SPAG17: variants seen among roughly 807,000 people sequenced by gnomAD.
The protein encoded by SPAG17 is sperm-associated antigen 17.
In SPAG17, 169 loss-of-function variants were observed where a neutral mutation model predicts 273.6. That is an observed-to-expected ratio of 0.62 (90% CI 0.55 to 0.70). SPAG17 has a LOEUF of 0.70. Among genes scored for constraint, SPAG17 ranks in the 30% least tolerant of loss-of-function variants. The pLI is 0.00. For synonymous variants in SPAG17, 825 were observed against 873.2 expected, an observed-to-expected ratio of 0.94 and a Z score of 0.97; for missense variants, 2,557 against 2,627.8, an observed-to-expected ratio of 0.97 and a Z score of 0.59.
At chr1:118,061,663 A>AT (rs1220469338) in intron 18 of SPAG17, among the ~76,000 whole-genome samples, 2 of 152,316 alleles carry the variant, frequency 1.3e-5, no homozygotes, top group East Asian at 3.9e-4. Flanking sequence ...ACATGAGGAC[A>AT]TTTTTTTAAC....
chr1:117,966,878 A>T, intron 46 of SPAG17, 125 bp from the exon 47 acceptor site: 1 of 742,532 alleles, frequency 1.3e-6, no homozygotes, highest in Non-Finnish European at 2.0e-6. Flanking sequence ...TAAATTTGGC[A>T]CTAACAAATG....
At chr1:118,070,743 A>G (rs1243196654) in intron 17 of SPAG17, among the ~76,000 whole-genome samples, 1 of 152,256 alleles carries the variant, frequency 6.6e-6, no homozygotes, top group East Asian at 1.9e-4. Context: ...TTATCATTTC[A>G]ACATATAAAC....
chr1:117,966,786 A>C, intron 46 of SPAG17, 33 bp from the exon 47 acceptor site: 1 of 1,555,576 alleles, frequency 6.4e-7, no homozygotes, highest in Non-Finnish European at 8.7e-7. Context: ...AGGACCAGAC[A>C]ACTCTGAGTT....
intron 18 of SPAG17, among the ~76,000 whole-genome samples, chr1:118,059,887 G>A (rs143277575): frequency 1.8e-4 from 28 of 152,118 alleles, no homozygotes; most frequent in Non-Finnish European, 3.1e-4. Context: ...TTTATTATCC[G>A]TTAGTCCACT....
At chr1:118,139,186 C>T (rs954814413) in intron 3 of SPAG17, among the ~76,000 whole-genome samples, 2 of 151,972 alleles carry the variant, frequency 1.3e-5, no homozygotes, top group South Asian at 4.2e-4. Flanking sequence ...AGAAGACATG[C>T]AGATAGACAA....
chr1:118,182,786 G>A (rs964827250), intron 1 of SPAG17, among the ~76,000 whole-genome samples: 1 of 152,152 alleles, frequency 6.6e-6, no homozygotes, highest in African/African-American at 2.4e-5. Context: ...ATTATTTAGA[G>A]CCCAGGTGAA....
At chr1:118,139,603 T>C (rs1252245713) in intron 3 of SPAG17, among the ~76,000 whole-genome samples, 2 of 152,208 alleles carry the variant, frequency 1.3e-5, no homozygotes, top group Non-Finnish European at 2.9e-5. Context: ...AAATATGGTA[T>C]ATACATTAAA....
intron 18 of SPAG17, among the ~76,000 whole-genome samples, chr1:118,057,784 A>C (rs1051003409): frequency 2.6e-5 from 4 of 151,984 alleles, no homozygotes; most frequent in Middle Eastern, 3.3e-3. Context: ...ATAGTTCTAG[A>C]CAACTTCAAA....
At position 118,057,793 on chromosome 1, in the gene SPAG17, A is replaced by G. The variant is rs75475704; in HGVS notation, c.2541-1879T>C. On this transcript the variant is annotated intron_variant, in intron 18 of 48. Coordinates refer to ENST00000336338, the MANE Select transcript of SPAG17 (RefSeq NM_206996.4). ...GAAACAATAGTTCTAGACAACTTCA[A>G]AATGAGAAGTAGGGATTTGTTGGGG... is the stretch of plus-strand genomic sequence containing the variant. 2.2e-3 allele frequency among the ~76,000 whole-genome samples: 330 copies of G among 152,048 alleles called. 2 individuals carry two copies. Among genetic ancestry groups the G allele is most frequent in the African/African-American group, 7.5e-3 (313 of 41,556 alleles).
intron 10 of SPAG17, 113 bp from the exon 11 acceptor site, chr1:118,087,121 C>T (rs956316032): frequency 8.4e-7 from 1 of 1,190,534 alleles, no homozygotes; most frequent in Non-Finnish European, 1.1e-6. Flanking sequence ...TTCTGGGACC[C>T]AAGTACCACT....
At chr1:118,061,617 G>A (rs1571376785) in intron 18 of SPAG17, among the ~76,000 whole-genome samples, 1 of 152,140 alleles carries the variant, frequency 6.6e-6, no homozygotes, top group Admixed American at 6.5e-5. Flanking sequence ...AAGGGATCAC[G>A]TGTTCAATGT....
At chr1:118,184,701 C>G (rs1488219347) in intron 1 of SPAG17, among the ~76,000 whole-genome samples, 1 of 152,108 alleles carries the variant, frequency 6.6e-6, no homozygotes, top group Non-Finnish European at 1.5e-5. Flanking sequence ...TGATTTGATG[C>G]GATTCTCATC....
In SPAG17 at chr1:118,008,141, C is replaced by A. The variant is rs370369450; in HGVS notation, c.4490G>T (p.Arg1497Leu). 2.5e-6 allele frequency: 4 copies of A among 1,614,034 alleles called. No homozygotes were observed. The highest frequency in any genetic ancestry group is 3.4e-6 in the Non-Finnish European group (4 of 1,179,976). Residue 1497 changes from arginine to leucine, a missense_variant, in exon 31 of 49, where the codon CGC becomes CTC. Transcript: ENST00000336338. ...ACAGTTGGCGATAACAGTGGCATAG[C>A]GTGAGCTTTCTACCCGCATACACTT... Reference protein sequence around the residue: ...QVKCMRVESSRYATVIANCED... With the variant: ...QVKCMRVESSLYATVIANCED...
chr1:118,126,032 T>G (rs1487234288), intron 3 of SPAG17, among the ~76,000 whole-genome samples: 1 of 117,762 alleles, frequency 8.5e-6, no homozygotes, highest in African/African-American at 2.8e-5. Flanking sequence ...CACCAGCCTC[T>G]GTTATTTTCT....
At chr1:118,046,833 T>C (rs1045935960) in intron 20 of SPAG17, among the ~76,000 whole-genome samples, 10 of 151,986 alleles carry the variant, frequency 6.6e-5, no homozygotes, top group African/African-American at 2.2e-4. Flanking sequence ...TTTCCTATTA[T>C]CAAACTGATG....
intron 1 of SPAG17, among the ~76,000 whole-genome samples, chr1:118,164,233 G>GT: frequency 6.6e-6 from 1 of 152,200 alleles, no homozygotes; most frequent in Admixed American, 6.5e-5. Context: ...TATATAGTCC[G>GT]TATTTTTGAC....
intron 30 of SPAG17, 130 bp from the exon 31 acceptor site, chr1:118,008,328 T>A: frequency 9.9e-7 from 1 of 1,011,550 alleles, no homozygotes; most frequent in Non-Finnish European, 1.5e-6. Flanking sequence ...TTGTAAAGTC[T>A]AGAGCAAGTA....
rs183760283 is a variant in SPAG17, at chr1:118,039,563, C to T, written c.3167-119G>A. 8.7e-5 allele frequency: 85 copies of T among 976,470 alleles called. No homozygotes were observed. In the East Asian group the frequency reaches 2.1e-3, roughly 24 times the overall value. The allele number at this position is 976,470 out of a possible 1,614,324, so 60.5% of individuals were successfully genotyped here. A position where few individuals can be genotyped will look rare whatever the true frequency, so the allele number is the denominator to read the frequency against. On this transcript the variant is annotated intron_variant, in intron 22 of 48. Transcript: ENST00000336338. ...CACACGAACAGAAAACCAAACACTG[C>T]ATGTTCTCACTTAGGAATGGCAGCT...
intron 28 of SPAG17, among the ~76,000 whole-genome samples, chr1:118,020,905 T>C (rs1051408957): frequency 6.6e-6 from 1 of 152,204 alleles, no homozygotes; most frequent in African/African-American, 2.4e-5. Flanking sequence ...ATTTAGTGCA[T>C]ATAAAGTTTT....
Sources: allele counts gnomAD v4.1 joint callset (sites outside exome capture counted in the v4.1 genomes callset), GRCh38; gene constraint gnomAD v4.1.1; transcripts MANE v1.5; gene names NCBI Gene and HGNC (gene_info 2026-07-23, HGNC 2026-07-21).